FBXL5: variants seen among roughly 807,000 people sequenced by gnomAD.
FBXL5 encodes F-box and leucine rich repeat protein 5.
Under a neutral mutation model 78.3 loss-of-function variants are expected in FBXL5, and 26 were observed. The observed-to-expected ratio is 0.33, with a 90% confidence interval of 0.24 to 0.46. The LOEUF is 0.46. FBXL5 is among the 20% of genes least tolerant of loss of function. FBXL5 has a pLI of 1.00. For missense variants in FBXL5, 710 were observed against 829.2 expected, an observed-to-expected ratio of 0.86 and a Z score of 1.77; for synonymous variants, 295 against 282.5, an observed-to-expected ratio of 1.04 and a Z score of -0.45.
chr4:15,635,865 T>C (rs1714201888), intron 5 of FBXL5, among the ~76,000 whole-genome samples: 1 of 152,066 alleles, frequency 6.6e-6, no homozygotes, highest in Non-Finnish European at 1.5e-5. Context: ...GCATTATATG[T>C]TGATGAAAAG....
At chr4:15,638,426 C>CA in intron 4 of FBXL5, 82 bp downstream of exon 4, 1 of 1,061,940 alleles carries the variant, frequency 9.4e-7, no homozygotes. Flanking sequence ...AATTATTCCT[C>CA]AACCAAAATC....
In FBXL5 at chr4:15,644,664, A is replaced by T. The variant is rs753498665; in HGVS notation, c.129T>A (p.Leu43=). Residue 43 remains leucine (L), a synonymous_variant, in exon 2 of 11, where the codon CTT becomes CTA. Coordinates refer to ENST00000341285, the MANE Select transcript of FBXL5 (RefSeq NM_012161.4). ...NFSNNNDFRA[L]LQSLYATFKE... is the part of the protein sequence containing the mutation. Reference sequence around the variant, plus strand: ...TGAAAGTAGCATACAAAGACTGCAGAAGAGCACGGAAATCGTTGTTGTTGG... The same window carrying T: ...TGAAAGTAGCATACAAAGACTGCAGTAGAGCACGGAAATCGTTGTTGTTGG... 1.1e-5 allele frequency: 17 copies of T among 1,612,702 alleles called. No homozygotes were observed. The highest frequency in any genetic ancestry group is 1.3e-5 in the African/African-American group (1 of 74,912).
At chr4:15,659,297 C>T (rs1407474154), upstream of FBXL5, among the ~76,000 whole-genome samples, 2 of 152,148 alleles carry the variant, frequency 1.3e-5, no homozygotes, top group Non-Finnish European at 2.9e-5. Context: ...CCAAAATACT[C>T]CTGTTATTCA....
chr4:15,633,866 C>T (rs1273444872), intron 5 of FBXL5, among the ~76,000 whole-genome samples: 2 of 152,148 alleles, frequency 1.3e-5, no homozygotes, highest in Non-Finnish European at 2.9e-5. Flanking sequence ...TCCCAAAGTG[C>T]TAGGAGATTA....
intron 10 of FBXL5, among the ~76,000 whole-genome samples, chr4:15,607,578 T>C (rs1721974664): frequency 6.6e-6 from 1 of 152,182 alleles, no homozygotes; most frequent in Non-Finnish European, 1.5e-5. Context: ...TGCCAATCTT[T>C]AACCAAGTTT....
chr4:15,646,808 G>A (rs1466360161), intron 1 of FBXL5, among the ~76,000 whole-genome samples: 2 of 149,262 alleles, frequency 1.3e-5, no homozygotes, highest in African/African-American at 4.9e-5. Flanking sequence ...TGGTTTTTTT[G>A]TCCTTGCGAC....
At chr4:15,648,717 G>C (rs1021578975) in intron 1 of FBXL5, among the ~76,000 whole-genome samples, 4 of 152,130 alleles carry the variant, frequency 2.6e-5, no homozygotes, top group Admixed American at 2.0e-4. Flanking sequence ...AGGGGATGGA[G>C]AAAATGGGGA....
At chr4:15,612,563 A>C in intron 9 of FBXL5, 149 bp from the exon 10 acceptor site, 10 of 652,132 alleles carry the variant, frequency 1.5e-5, no homozygotes, top group Non-Finnish European at 2.6e-5. Flanking sequence ...AACTAACCTC[A>C]TCCTTAGGCA....
chr4:15,650,868 T>G (rs1715941458), intron 1 of FBXL5, among the ~76,000 whole-genome samples: 1 of 151,876 alleles, frequency 6.6e-6, no homozygotes, highest in Non-Finnish European at 1.5e-5. Context: ...CCTGACCTCA[T>G]GATCCACCTG....
At chr4:15,629,700 T>C (rs1476702879) in intron 6 of FBXL5, among the ~76,000 whole-genome samples, 1 of 152,116 alleles carries the variant, frequency 6.6e-6, no homozygotes, top group African/African-American at 2.4e-5. Flanking sequence ...TTTCCTTATA[T>C]AGGACATTTT....
At chr4:15,658,851 A>C (rs1717157971), upstream of FBXL5, among the ~76,000 whole-genome samples, 1 of 152,188 alleles carries the variant, frequency 6.6e-6, no homozygotes. Context: ...ATTAAATATT[A>C]AGAAAAATTA....
chr4:15,649,265 G>C (rs979753460), intron 1 of FBXL5, among the ~76,000 whole-genome samples: 4 of 151,980 alleles, frequency 2.6e-5, no homozygotes, highest in African/African-American at 9.7e-5. Flanking sequence ...GGTACCTAAA[G>C]TTAGTAAATT....
At chr4:15,642,538 T>C (rs954797875) in intron 2 of FBXL5, among the ~76,000 whole-genome samples, 6 of 152,174 alleles carry the variant, frequency 3.9e-5, no homozygotes, top group Non-Finnish European at 7.3e-5. Context: ...GCCCAGCCTA[T>C]GAAAACTTTT....
chr4:15,619,398 C>T (rs1033210742), intron 9 of FBXL5, among the ~76,000 whole-genome samples: 3 of 151,928 alleles, frequency 2.0e-5, no homozygotes, highest in Non-Finnish European at 4.4e-5. Flanking sequence ...GAAAATCAAC[C>T]AACAAATCAC....
At chr4:15,640,767 C>A in intron 3 of FBXL5, 21 bp downstream of exon 3, 2 of 1,353,910 alleles carry the variant, frequency 1.5e-6, no homozygotes. Flanking sequence ...ATCTAAATCA[C>A]GAAAGAAAAA....
In FBXL5 at chr4:15,636,644, T is replaced by A; in HGVS notation, c.616A>T (p.Thr206Ser). 6.2e-7 allele frequency: 1 copy of A among 1,613,420 alleles called. No individual in the cohort carries two copies. The highest frequency in any genetic ancestry group is 1.1e-5 in the South Asian group (1 of 91,000). ...AEVSEHSTGI[T>S]HLPPEVMLSI... ...AGCATTACCTCAGGAGGAAGATGGGTTATACCTGTGGAGTGTTCTGACACT... is the reference window on the plus strand; with the variant it reads ...AGCATTACCTCAGGAGGAAGATGGGATATACCTGTGGAGTGTTCTGACACT... The change falls in exon 5 of 11, where the codon ACC becomes TCC. Residue 206 changes from threonine to serine, a missense_variant. Around this residue, in one of 4 missense-constraint regions of FBXL5, gnomAD observed 517 missense variants for 542.9 expected, o/e 0.95. Transcript: ENST00000341285.
intron 1 of FBXL5, among the ~76,000 whole-genome samples, chr4:15,646,430 C>T (rs1560235289): frequency 6.7e-6 from 1 of 148,474 alleles, no homozygotes; most frequent in Admixed American, 6.7e-5. Context: ...GGTGGCTAAT[C>T]TCTGCAAACA....
Position 15,640,767 on chromosome 4 carries a change from CGAAA to C in FBXL5, c.396+17_396+20del. 1 of 1,353,910 alleles carries C rather than the reference CGAAA, an allele frequency of 7.4e-7. No homozygotes were observed. The highest frequency in any genetic ancestry group is 1.0e-6 in the Non-Finnish European group (1 of 981,912). The allele number at this position is 1,353,910 out of a possible 1,614,324, so 83.9% of individuals were successfully genotyped here. A position where few individuals can be genotyped will look rare whatever the true frequency, so the allele number is the denominator to read the frequency against. On this transcript the variant is annotated intron_variant, in intron 3 of 10. Coordinates refer to ENST00000341285, the MANE Select transcript of FBXL5 (RefSeq NM_012161.4). ...TTAAGAATGTTATAAATCTAAATCACGAAAGAAAAATTATGCTTACCTCCTCTTC... is the reference window on the plus strand; with the variant it reads ...TTAAGAATGTTATAAATCTAAATCACGAAAAATTATGCTTACCTCCTCTTC...
chr4:15,640,747 A>T, intron 3 of FBXL5, 41 bp downstream of exon 3: 1 of 1,077,414 alleles, frequency 9.3e-7, no homozygotes, highest in Non-Finnish European at 1.4e-6. Flanking sequence ...GTATTTTAAG[A>T]ATGTTATAAA....
Sources: allele counts gnomAD v4.1 joint callset (sites outside exome capture counted in the v4.1 genomes callset), GRCh38; gene constraint gnomAD v4.1.1; regional missense constraint gnomAD v4.1.1; transcripts MANE v1.5; gene names NCBI Gene and HGNC (gene_info 2026-07-23, HGNC 2026-07-21).